Variants in DRC11 observed in about 807,000 individuals in gnomAD.
DRC11 encodes the protein dynein regulatory complex subunit 11, also known as IQ and AAA domain-containing protein 1.
the DRC11 span, among the ~76,000 whole-genome samples, chr2:236,488,818 T>A: frequency 6.6e-6 from 1 of 152,210 alleles, no homozygotes; most frequent in African/African-American, 2.4e-5. Flanking sequence ...AGATCTCACA[T>A]GGTGTATGTG....
chr2:236,357,051 T>C, the DRC11 span, among the ~76,000 whole-genome samples: 1 of 105,816 alleles, frequency 9.5e-6, no homozygotes, highest in Non-Finnish European at 2.0e-5. Context: ...ATATATTATA[T>C]ATCTATTTAT....
the DRC11 span, among the ~76,000 whole-genome samples, chr2:236,437,276 AT>A: frequency 7.5e-6 from 1 of 133,974 alleles, no homozygotes; most frequent in Admixed American, 7.6e-5. Flanking sequence ...TGAACTCATC[AT>A]TTTTTATGGC....
chr2:236,340,693 G>T, the DRC11 span, among the ~76,000 whole-genome samples: 1 of 152,190 alleles, frequency 6.6e-6, no homozygotes, highest in East Asian at 1.9e-4. Context: ...CAGCAACCCA[G>T]TTGCCATGGT....
the DRC11 span, among the ~76,000 whole-genome samples, chr2:236,477,904 C>T: frequency 7.9e-5 from 12 of 151,768 alleles, no homozygotes; most frequent in African/African-American, 2.4e-4. Context: ...TGTCTGATTT[C>T]CTTTATTTTG....
chr2:236,408,333 G>C, the DRC11 span: 1 of 770,978 alleles, frequency 1.3e-6, no homozygotes, highest in Non-Finnish European at 2.4e-6. This position sits in a 1 kb window ranked among gnomAD's most constrained non-coding sequence, Gnocchi z 5.5. Flanking sequence ...CCTTGCGCAA[G>C]CCTCAGTGGG....
the DRC11 span, among the ~76,000 whole-genome samples, chr2:236,396,103 T>C: frequency 6.6e-6 from 1 of 152,152 alleles, no homozygotes; most frequent in African/African-American, 2.4e-5. Context: ...TTTGCTTTTC[T>C]CATGACACTT....
the DRC11 span, among the ~76,000 whole-genome samples, chr2:236,401,995 T>C: frequency 6.6e-6 from 1 of 152,214 alleles, no homozygotes. The surrounding 1 kb of genome is among the most constrained non-coding windows in gnomAD (Gnocchi z 4.6). Flanking sequence ...GGTTTCCCGA[T>C]ACACATGAGA....
chr2:236,334,879 G>A, the DRC11 span, among the ~76,000 whole-genome samples: 1 of 152,164 alleles, frequency 6.6e-6, no homozygotes, highest in East Asian at 1.9e-4. The surrounding 1 kb of genome is among the most constrained non-coding windows in gnomAD (Gnocchi z 7.8). Context: ...GCACCCCAAG[G>A]AGAGAGGCAA....
the DRC11 span, among the ~76,000 whole-genome samples, chr2:236,432,733 T>C: frequency 3.9e-5 from 6 of 152,176 alleles, no homozygotes; most frequent in African/African-American, 1.4e-4. Context: ...CAGGGGTCAT[T>C]GTTTCCATGT....
chr2:236,357,977 C>T, the DRC11 span, among the ~76,000 whole-genome samples: 1 of 108,346 alleles, frequency 9.2e-6, no homozygotes, highest in Non-Finnish European at 1.7e-5. Flanking sequence ...TGAATATATA[C>T]TCATATATAA....
chr2:236,342,486 CAG>C, the DRC11 span, among the ~76,000 whole-genome samples: 1 of 152,158 alleles, frequency 6.6e-6, no homozygotes, highest in African/African-American at 2.4e-5. The surrounding 1 kb of genome is among the most constrained non-coding windows in gnomAD (Gnocchi z 5.8). Flanking sequence ...GGGTGAGACA[CAG>C]AGTCTCAGAG....
the DRC11 span, among the ~76,000 whole-genome samples, chr2:236,429,429 G>A: frequency 2.5e-3 from 384 of 152,288 alleles, 1 homozygote; most frequent in African/African-American, 9.0e-3. The surrounding 1 kb of genome is among the most constrained non-coding windows in gnomAD (Gnocchi z 5.9). Flanking sequence ...CCAGCTCTGG[G>A]AACAAGCACA....
At chr2:236,340,810 A>C in the DRC11 span, among the ~76,000 whole-genome samples, 8 of 152,178 alleles carry the variant, frequency 5.3e-5, no homozygotes, top group Non-Finnish European at 1.0e-4. Context: ...CTGGATGACA[A>C]ACGTTGATTC....
chr2:236,390,766 T>C, the DRC11 span, among the ~76,000 whole-genome samples: 2 of 152,138 alleles, frequency 1.3e-5, no homozygotes, highest in East Asian at 3.9e-4. The surrounding 1 kb of genome is among the most constrained non-coding windows in gnomAD (Gnocchi z 5.9). Context: ...GGGAGGCCCA[T>C]GGTTCTGGGG....
chr2:236,466,686 G>C, the DRC11 span, among the ~76,000 whole-genome samples: 1 of 152,102 alleles, frequency 6.6e-6, no homozygotes, highest in Admixed American at 6.5e-5. Context: ...TGTGAACTGA[G>C]AGAATTCACT....
the DRC11 span, among the ~76,000 whole-genome samples, chr2:236,379,210 C>T: frequency 6.6e-6 from 1 of 152,180 alleles, no homozygotes; most frequent in Non-Finnish European, 1.5e-5. Context: ...CAGGGAGAAG[C>T]AGGAACCCCC....
At chr2:236,377,433 C>T in the DRC11 span, among the ~76,000 whole-genome samples, 2 of 152,232 alleles carry the variant, frequency 1.3e-5, no homozygotes, top group Admixed American at 6.5e-5. The surrounding 1 kb of genome is among the most constrained non-coding windows in gnomAD (Gnocchi z 4.9). Context: ...TATCTTTGGG[C>T]GTCTGGGACC....
At chr2:236,390,388 A>C in the DRC11 span, among the ~76,000 whole-genome samples, 1 of 152,160 alleles carries the variant, frequency 6.6e-6, no homozygotes, top group African/African-American at 2.4e-5. This position sits in a 1 kb window ranked among gnomAD's most constrained non-coding sequence, Gnocchi z 5.9. Context: ...TGTATATAGC[A>C]TATAGTTGGA....
the DRC11 span, among the ~76,000 whole-genome samples, chr2:236,377,503 A>G: frequency 1.3e-5 from 2 of 152,212 alleles, no homozygotes; most frequent in South Asian, 2.1e-4. This position sits in a 1 kb window ranked among gnomAD's most constrained non-coding sequence, Gnocchi z 4.9. Context: ...AATATGAATT[A>G]GAAATTACCC....
Sources: allele counts gnomAD v4.1 joint callset (sites outside exome capture counted in the v4.1 genomes callset), GRCh38; gene constraint gnomAD v4.1.1; non-coding constraint Gnocchi (gnomAD v3.1); transcripts MANE v1.5; gene names NCBI Gene and HGNC (gene_info 2026-07-23, HGNC 2026-07-21).